Variants in CASTOR2 observed in about 807,000 individuals in gnomAD.
CASTOR2 encodes GATS protein like 2.
Under a neutral mutation model 31.2 loss-of-function variants are expected in CASTOR2, and 8 were observed. That is an observed-to-expected ratio of 0.26 (90% CI 0.15 to 0.46). The LOEUF (loss-of-function observed/expected upper bound fraction) is 0.46. CASTOR2 is among the 20% of genes least tolerant of loss of function. CASTOR2 has a pLI of 0.99. For missense variants in CASTOR2, 216 were observed against 382.1 expected, an observed-to-expected ratio of 0.57 and a Z score of 3.62; for synonymous variants, 162 against 158.7, an observed-to-expected ratio of 1.02 and a Z score of -0.16.
At chr7:75,021,415 C>T (rs1804998254) in intron 6 of CASTOR2, among the ~76,000 whole-genome samples, 1 of 152,188 alleles carries the variant, frequency 6.6e-6, no homozygotes, top group South Asian at 2.1e-4. Context: ...GTGTGAGCCA[C>T]CACGCCCTGC....
chr7:75,012,079 AG>A lies in CASTOR2; in HGVS notation c.184+4017del, dbSNP rs1185778688. Reference sequence around the variant, plus strand: ...TGACAACCAAGCCAGGACGGAAAGTAGGAAATGCTCTCAAGGCGCCTCTAGC... The same window carrying A: ...TGACAACCAAGCCAGGACGGAAAGTAGAAATGCTCTCAAGGCGCCTCTAGC... On this transcript the variant is annotated intron_variant, in intron 2 of 8. Coordinates refer to ENST00000616305, the MANE Select transcript of CASTOR2 (RefSeq NM_001145064.3). Among the ~76,000 whole-genome samples, 8 of 152,312 alleles carry A rather than the reference AG, an allele frequency of 5.3e-5. 1 individual carries two copies. Among genetic ancestry groups the A allele is most frequent in the African/African-American group, 1.9e-4 (8 of 41,582 alleles).
intron 1 of CASTOR2, among the ~76,000 whole-genome samples, chr7:75,006,492 G>C (rs1804608161): frequency 6.6e-6 from 1 of 152,098 alleles, no homozygotes; most frequent in African/African-American, 2.4e-5. Context: ...GTGACCCATG[G>C]ATACACCAGC....
Position 75,031,408 on chromosome 7 carries a change from AAC to A in CASTOR2, c.*6713_*6714del, listed in dbSNP as rs1373704976. On this transcript the variant is annotated 3_prime_UTR_variant, in exon 9 of 9. Transcript: ENST00000616305. Reference sequence around the variant, plus strand: ...CTCAAGCTTATTTTCTTGTTGAAGAAACACAAAACCCTCGAGATTCATGTACT... The same window carrying A: ...CTCAAGCTTATTTTCTTGTTGAAGAAACAAAACCCTCGAGATTCATGTACT... 5.3e-5 allele frequency among the ~76,000 whole-genome samples: 8 copies of A among 152,186 alleles called. No homozygotes were observed. The highest frequency in any genetic ancestry group is 1.9e-4 in the African/African-American group (8 of 41,446).
At chr7:74,996,711 G>A (rs2131936215) in intron 1 of CASTOR2, among the ~76,000 whole-genome samples, 1 of 112,120 alleles carries the variant, frequency 8.9e-6, no homozygotes, top group East Asian at 3.2e-4. Flanking sequence ...CAGCATGCCT[G>A]GTGCTTTTTT....
chr7:74,993,872 C>T (rs1327399023), intron 1 of CASTOR2, among the ~76,000 whole-genome samples: 1 of 151,942 alleles, frequency 6.6e-6, no homozygotes, highest in Non-Finnish European at 1.5e-5. Flanking sequence ...TCAGACATCT[C>T]AGAAAAGGTT....
intron 2 of CASTOR2, among the ~76,000 whole-genome samples, chr7:75,017,106 C>T (rs1804880543): frequency 1.3e-5 from 2 of 152,178 alleles, no homozygotes; most frequent in African/African-American, 4.8e-5. Context: ...GAGCCGAGAT[C>T]GCGCCACTGC....
chr7:74,971,411 G>A (rs1803674990), intron 1 of CASTOR2, among the ~76,000 whole-genome samples: 1 of 20,442 alleles, frequency 4.9e-5, no homozygotes, highest in Non-Finnish European at 1.0e-4. Flanking sequence ...ATAACTTAAA[G>A]GCTTGATGAG....
chr7:74,984,888 T>C (rs1290156174), intron 1 of CASTOR2, among the ~76,000 whole-genome samples: 18 of 152,256 alleles, frequency 1.2e-4, no homozygotes, highest in African/African-American at 3.9e-4. Flanking sequence ...TCCCAGCCCT[T>C]TGGGAGGCCG....
intron 1 of CASTOR2, among the ~76,000 whole-genome samples, chr7:74,994,546 C>T (rs1278614203): frequency 6.6e-6 from 1 of 151,970 alleles, no homozygotes; most frequent in African/African-American, 2.4e-5. Flanking sequence ...ATCAGGAGTT[C>T]GAGACCAGCC....
intron 2 of CASTOR2, among the ~76,000 whole-genome samples, chr7:75,010,362 C>T (rs1421598578): frequency 6.9e-6 from 1 of 145,686 alleles, no homozygotes; most frequent in Non-Finnish European, 1.6e-5. Flanking sequence ...TCTTATTCTT[C>T]AGGCACTGGG....
At chr7:74,995,511 G>GA (rs1335114046) in intron 1 of CASTOR2, among the ~76,000 whole-genome samples, 31 of 88,464 alleles carry the variant, frequency 3.5e-4, no homozygotes, top group South Asian at 4.0e-4. Flanking sequence ...ACAAAAAAAT[G>GA]AAAAAAAAAA....
chr7:74,987,356 G>A (rs1584462803), intron 1 of CASTOR2, among the ~76,000 whole-genome samples: 1 of 149,298 alleles, frequency 6.7e-6, no homozygotes, highest in Non-Finnish European at 1.5e-5. Context: ...AGTGAGCCAA[G>A]ATCACGCCTC....
At chr7:75,023,339 C>G (rs906652618) in intron 7 of CASTOR2, among the ~76,000 whole-genome samples, 1 of 152,072 alleles carries the variant, frequency 6.6e-6, no homozygotes, top group African/African-American at 2.4e-5. Flanking sequence ...GAAACACTTT[C>G]TCCTATATAA....
At chr7:74,986,168 G>C (rs1804060832) in intron 1 of CASTOR2, among the ~76,000 whole-genome samples, 2 of 151,088 alleles carry the variant, frequency 1.3e-5, no homozygotes, top group Admixed American at 6.6e-5. Flanking sequence ...GACCTCAAGT[G>C]ATCAGCCCTC....
intron 4 of CASTOR2, among the ~76,000 whole-genome samples, chr7:75,018,594 G>A (rs1233952479): frequency 6.6e-6 from 1 of 152,044 alleles, no homozygotes; most frequent in Non-Finnish European, 1.5e-5. Context: ...GCCGTGTCTA[G>A]CAAGGGTGGT....
chr7:75,020,511 G>T (rs1400613317), intron 6 of CASTOR2, among the ~76,000 whole-genome samples: 6 of 122,186 alleles, frequency 4.9e-5, no homozygotes, highest in Non-Finnish European at 1.7e-5. Context: ...TTTTTTTTTA[G>T]ACGGAGTCTC....
chr7:75,023,359 C>T (rs959629534), intron 7 of CASTOR2, among the ~76,000 whole-genome samples: 7 of 152,002 alleles, frequency 4.6e-5, no homozygotes, highest in African/African-American at 1.4e-4. Context: ...ACCACAATGA[C>T]AGGATTCCAC....
intron 1 of CASTOR2, among the ~76,000 whole-genome samples, chr7:74,986,068 C>T (rs1804057376): frequency 6.6e-6 from 1 of 152,106 alleles, no homozygotes; most frequent in African/African-American, 2.4e-5. Flanking sequence ...GCTGCAACTA[C>T]AGGCGCGCAC....
chr7:74,984,583 A>G (rs1171637091), intron 1 of CASTOR2, among the ~76,000 whole-genome samples: 2 of 152,110 alleles, frequency 1.3e-5, no homozygotes, highest in Non-Finnish European at 2.9e-5. Flanking sequence ...GAAGGGCCCC[A>G]GGGACCCAGG....
Sources: gnomAD v4.1 joint callset for allele counts (sites outside exome capture counted in the v4.1 genomes callset) on GRCh38, gnomAD v4.1.1 for gene constraint, MANE v1.5 for transcripts, NCBI Gene and HGNC (gene_info 2026-07-23, HGNC 2026-07-21) for gene names.